Variants in DACH2 observed in about 807,000 individuals in gnomAD.
DACH2 encodes dachshund homolog 2.
In DACH2, 17 loss-of-function variants were observed where a neutral mutation model predicts 35.8. The observed-to-expected ratio is 0.48, with a 90% confidence interval of 0.33 to 0.71. DACH2 has a LOEUF of 0.71. DACH2 is among the 30% of genes least tolerant of loss of function. The probability of loss-of-function intolerance (pLI) is 0.02; values close to 1 mark genes in which losing one functional copy is unlikely to be tolerated. For missense variants in DACH2, 469 were observed against 472.7 expected, an observed-to-expected ratio of 0.99 and a Z score of 0.07; for synonymous variants, 195 against 177.3, an observed-to-expected ratio of 1.10 and a Z score of -0.79.
chrX:86,765,972 C>T (rs1476984517), intron 7 of DACH2, among the ~76,000 whole-genome samples: 4 of 109,840 alleles, frequency 3.6e-5, no homozygotes, highest in Non-Finnish European at 7.6e-5. Context: ...TATTTTACCT[C>T]CTTGGTTAGA....
chrX:86,622,863 G>T (rs2040084726), intron 3 of DACH2, among the ~76,000 whole-genome samples: 1 of 111,228 alleles, frequency 9.0e-6, no homozygotes. Context: ...AGACACAAGA[G>T]ACATGACAAC....
chrX:86,444,198 T>C, intron 2 of DACH2, among the ~76,000 whole-genome samples: 1 of 111,682 alleles, frequency 9.0e-6, no homozygotes, highest in East Asian at 2.8e-4. Context: ...AGTGACACTC[T>C]CATCAGCCTC....
rs753751076 is a variant in DACH2 at position 86,556,256 on chromosome X, C to T, written c.640+41865C>T. Among the ~76,000 whole-genome samples the T allele has an allele frequency of 7.2e-5, 8 of 111,116 alleles. No individual in the cohort carries two copies. The Admixed American group carries it at 7.7e-4, about 11-fold the overall frequency. On this transcript the variant is annotated intron_variant, in intron 3 of 11. Transcript: ENST00000373125. ...TGGGGAGGGCCTAACTCTCATTTAT[C>T]GACCTAGAAAGCCAATCGTTGCCTG...
chrX:86,661,323 T>C, intron 4 of DACH2, among the ~76,000 whole-genome samples: 1 of 112,514 alleles, frequency 8.9e-6, no homozygotes, highest in African/African-American at 3.2e-5. Context: ...CCCATTAGGA[T>C]GCCCATTTCT....
intron 1 of DACH2, among the ~76,000 whole-genome samples, chrX:86,326,079 G>C (rs1379188669): frequency 2.7e-5 from 3 of 111,417 alleles, no homozygotes; most frequent in African/African-American, 9.8e-5. Context: ...CACTTTGTCA[G>C]GCTACTCCCT....
chrX:86,215,744 G>A (rs1004648249), intron 1 of DACH2, among the ~76,000 whole-genome samples: 1 of 111,431 alleles, frequency 9.0e-6, no homozygotes, highest in African/African-American at 3.3e-5. Context: ...ATAGAGGTGA[G>A]GGAAATTCTG....
chrX:86,781,937 A>C (rs1230895807), intron 7 of DACH2, among the ~76,000 whole-genome samples: 1 of 112,172 alleles, frequency 8.9e-6, no homozygotes, highest in Non-Finnish European at 1.9e-5. Flanking sequence ...GGAAAATTTT[A>C]AAGACTCCAC....
chrX:86,243,178 G>T (rs2033205241), intron 1 of DACH2, among the ~76,000 whole-genome samples: 1 of 111,139 alleles, frequency 9.0e-6, no homozygotes, highest in Non-Finnish European at 1.9e-5. Flanking sequence ...GGGAGCTGGA[G>T]TTGGTAGAAA....
intron 5 of DACH2, among the ~76,000 whole-genome samples, chrX:86,698,826 G>A (rs1240104126): frequency 5.4e-5 from 6 of 110,238 alleles, no homozygotes; most frequent in Admixed American, 2.0e-4. Context: ...ATGAGCCACC[G>A]TGCCCAGCCA....
At chrX:86,377,331 C>A (rs1335802695) in intron 2 of DACH2, among the ~76,000 whole-genome samples, 1 of 111,410 alleles carries the variant, frequency 9.0e-6, no homozygotes, top group South Asian at 3.6e-4. Flanking sequence ...TCATTCTAAG[C>A]ATTAGGCACA....
At chrX:86,643,543 C>T (rs1436153216) in intron 3 of DACH2, among the ~76,000 whole-genome samples, 1 of 111,222 alleles carries the variant, frequency 9.0e-6, no homozygotes, top group African/African-American at 3.3e-5. Context: ...CAAAGAAGAG[C>T]TCACACAATT....
chrX:86,407,137 A>T (rs1421456661), intron 2 of DACH2, among the ~76,000 whole-genome samples: 2 of 112,118 alleles, frequency 1.8e-5, no homozygotes, highest in East Asian at 5.6e-4. Context: ...CAGTGAACTC[A>T]TGAAGAATAT....
intron 1 of DACH2, among the ~76,000 whole-genome samples, chrX:86,284,463 T>C (rs769878843): frequency 8.9e-6 from 1 of 111,776 alleles, no homozygotes; most frequent in East Asian, 2.8e-4. Context: ...AATGATCTTT[T>C]ACGTTTATTG....
intron 3 of DACH2, among the ~76,000 whole-genome samples, chrX:86,560,343 AC>A (rs2039194995): frequency 1.2e-5 from 1 of 83,041 alleles, no homozygotes; most frequent in Admixed American, 1.4e-4. Flanking sequence ...TTTGAGGGTA[AC>A]CCGACCTTTC....
chrX:86,149,934 T>C (rs1255298140), intron 1 of DACH2, among the ~76,000 whole-genome samples: 2 of 111,763 alleles, frequency 1.8e-5, no homozygotes, highest in Non-Finnish European at 3.8e-5. Context: ...CTCTCAGCTC[T>C]TCCAGGCGAA....
chrX:86,556,775 TATATATATATATATATATATAGAG>T (rs953412547), intron 3 of DACH2, among the ~76,000 whole-genome samples: 10 of 61,513 alleles, frequency 1.6e-4, no homozygotes, highest in Non-Finnish European at 2.3e-4. Flanking sequence ...TATATATATA[TATATATATATATATATATATAGAG>T]AGAGAGAGAG....
chrX:86,321,807 G>T (rs1162350526), intron 1 of DACH2, among the ~76,000 whole-genome samples: 3 of 112,303 alleles, frequency 2.7e-5, no homozygotes, highest in East Asian at 2.8e-4. Flanking sequence ...ATTTTGGAAA[G>T]CCTGTATATA....
intron 6 of DACH2, among the ~76,000 whole-genome samples, chrX:86,728,559 T>C (rs748442916): frequency 8.9e-6 from 1 of 112,769 alleles, no homozygotes; most frequent in South Asian, 3.6e-4. Flanking sequence ...AGGTATTTCA[T>C]AGAACTTCAT....
chrX:86,772,335 G>A (rs1023131298), intron 7 of DACH2, among the ~76,000 whole-genome samples: 5 of 111,492 alleles, frequency 4.5e-5, no homozygotes, highest in African/African-American at 1.3e-4. Context: ...ATAGCAAGAA[G>A]CTTGAAGTCA....
Sources: allele counts gnomAD v4.1 joint callset (sites outside exome capture counted in the v4.1 genomes callset), GRCh38; gene constraint gnomAD v4.1.1; transcripts MANE v1.5; gene names NCBI Gene and HGNC (gene_info 2026-07-23, HGNC 2026-07-21).